Variants in PLK5 observed in about 807,000 individuals in gnomAD.
PLK5 encodes polo like kinase 5 (inactive).
Under a neutral mutation model 33.7 loss-of-function variants are expected in PLK5, and 28 were observed. The observed-to-expected ratio is 0.83, with a 90% CI of 0.62 to 1.14. The LOEUF is 1.14. Ranked by LOEUF, PLK5 falls within the 50% of genes most tolerant of loss-of-function variation. The pLI is 0.00. For synonymous variants in PLK5, 225 were observed against 202.2 expected (o/e 1.11, Z -0.96); for missense variants, 492 against 461.5 (o/e 1.07, Z -0.61).
At chr19:1,529,196 G>A (rs1002188857) in intron 9 of PLK5, 3 of 644,666 alleles carry the variant, frequency 4.7e-6, no homozygotes, top group South Asian at 2.0e-5. Context: ...GCCATGGGAA[G>A]GGTCCCATCC....
intron 11 of PLK5, among the ~76,000 whole-genome samples, chr19:1,531,120 C>T (rs1251463887): frequency 6.6e-6 from 1 of 150,580 alleles, no homozygotes; most frequent in Non-Finnish European, 1.5e-5. Flanking sequence ...AGCAAAAACC[C>T]AGAAACGGGG....
At chr19:1,527,043 CAGGTGTGGCGGGGGGGG>C in intron 6 of PLK5, 45 bp downstream of exon 6, 7 of 1,237,608 alleles carry the variant, frequency 5.7e-6, no homozygotes, top group Non-Finnish European at 7.2e-6. Context: ...CCGGGGGGGG[CAGGTGTGGCGGGGGGGG>C]AGCCTGCACG....
chr19:1,532,399 CGTG>C (rs1173668452), intron 12 of PLK5, among the ~76,000 whole-genome samples: 4 of 151,468 alleles, frequency 2.6e-5, no homozygotes, highest in African/African-American at 9.7e-5. Flanking sequence ...ATTAGCTGGG[CGTG>C]GTGGTGCACA....
chr19:1,528,841 C>A, intron 8 of PLK5, 57 bp from the exon 9 acceptor site: 1 of 1,334,778 alleles, frequency 7.5e-7, no homozygotes, highest in Non-Finnish European at 9.9e-7. Context: ...AGGTGCCCCC[C>A]TACCCCCAGC....
intron 3 of PLK5, among the ~76,000 whole-genome samples, chr19:1,526,139 A>C (rs1913732532): frequency 6.6e-6 from 1 of 152,092 alleles, no homozygotes; most frequent in African/African-American, 2.4e-5. Flanking sequence ...AGTAGACCTG[A>C]GCCCACCTGG....
Position 1,526,029 on chromosome 19 carries a change from C to T in PLK5, c.-313+318C>T, listed in dbSNP as rs114894678. On this transcript the variant is annotated intron_variant, in intron 3 of 13. Coordinates refer to ENST00000454744, the MANE Select transcript of PLK5 (RefSeq NM_001243079.2). ...GCCCCCTTGGACTCACCCATGCCCA[C>T]CTGTACCCACCAGCATGCCCCTGTG... Among the ~76,000 whole-genome samples the T allele has an allele frequency of 9.9e-3, 1,509 of 152,260 alleles. 22 individuals carry two copies. The highest frequency in any genetic ancestry group is 0.035 in the African/African-American group (1,451 of 41,534).
At chr19:1,532,823 C>T (rs892510898) in intron 12 of PLK5, among the ~76,000 whole-genome samples, 1 of 151,542 alleles carries the variant, frequency 6.6e-6, no homozygotes, top group African/African-American at 2.4e-5. Context: ...CGCTCAGCCA[C>T]TCCTGGCTAA....
chr19:1,533,085 T>C (rs539949055), intron 12 of PLK5, among the ~76,000 whole-genome samples: 23 of 152,158 alleles, frequency 1.5e-4, no homozygotes, highest in Non-Finnish European at 2.5e-4. Context: ...CAGTGAGCCA[T>C]GATTGCACCA....
chr19:1,529,704 G>C, intron 10 of PLK5, 43 bp from the exon 11 acceptor site: 1 of 1,529,946 alleles, frequency 6.5e-7, no homozygotes, highest in South Asian at 1.2e-5. Context: ...GCCTGGTGGT[G>C]GGAACCCAGA....
intron 3 of PLK5, among the ~76,000 whole-genome samples, chr19:1,526,188 C>G (rs894850346): frequency 6.6e-6 from 1 of 152,196 alleles, no homozygotes; most frequent in Admixed American, 6.5e-5. Context: ...TGCGTTCACT[C>G]CTAATCACCT....
chr19:1,531,391 G>A (rs986454397), intron 11 of PLK5, among the ~76,000 whole-genome samples: 1 of 150,602 alleles, frequency 6.6e-6, no homozygotes, highest in African/African-American at 2.4e-5. Flanking sequence ...CCTGGGGACA[G>A]AGCAAGACTC....
Position 1,526,611 on chromosome 19 carries a change from G to C in PLK5, c.-187G>C. On this transcript the variant is annotated 5_prime_UTR_variant, in exon 4 of 14. Transcript: ENST00000454744. ...GGTGCATCCTGCACCGCGACCTGAA[G>C]CTCAGTGAGTGCCAGGAAGGGGAAC... is the stretch of plus-strand genomic sequence containing the variant. 1 of 351,714 alleles carries C rather than the reference G, an allele frequency of 2.8e-6. No individual in the cohort carries two copies. The highest frequency in any genetic ancestry group is 2.3e-5 in the South Asian group (1 of 42,962). 21.8% of individuals were successfully genotyped at this position (351,714 alleles called of 1,614,324 possible). A position where few individuals can be genotyped will look rare whatever the true frequency, so the allele number is the denominator to read the frequency against.
intron 11 of PLK5, among the ~76,000 whole-genome samples, chr19:1,530,298 T>A (rs1343750911): frequency 6.6e-6 from 1 of 151,906 alleles, no homozygotes; most frequent in Non-Finnish European, 1.5e-5. Flanking sequence ...CTTTTCCTTT[T>A]CTTTCTTTTT....
Position 1,524,310 on chromosome 19 carries a change from G to A in PLK5, c.-544+64G>A, listed in dbSNP as rs1407674333. 6.6e-6 allele frequency: 1 copy of A among 151,468 alleles called. No individual in the cohort carries two copies. Among genetic ancestry groups the A allele is most frequent in the South Asian group, 2.1e-4 (1 of 4,830 alleles). 9.4% of individuals were successfully genotyped at this position (151,468 alleles called of 1,614,324 possible). On this transcript the variant is annotated intron_variant, in intron 1 of 13. Transcript: ENST00000454744. The surrounding 1 kb of genome is among the most constrained non-coding windows in gnomAD (Gnocchi z 4.5). ...CCGGGCTGGGCTGGGGTCCCGGGGC[G>A]CGCGGGCGATCCTGCGCGGTCTACG...
At chr19:1,529,670 T>TG (rs1348075777) in intron 10 of PLK5, 77 bp from the exon 11 acceptor site, 1 of 1,452,796 alleles carries the variant, frequency 6.9e-7, no homozygotes, top group African/African-American at 1.4e-5. Context: ...GATGGAGCCG[T>TG]GGGGAGGGGG....
chr19:1,527,085 C>G, intron 6 of PLK5, 87 bp downstream of exon 6: 4 of 1,361,204 alleles, frequency 2.9e-6, no homozygotes, highest in East Asian at 5.3e-5. Flanking sequence ...AGGTGGGGAC[C>G]GTTGTGCAGG....
intron 13 of PLK5, 84 bp from the exon 14 acceptor site, chr19:1,534,981 T>G: frequency 7.9e-7 from 1 of 1,263,434 alleles, no homozygotes; most frequent in Non-Finnish European, 1.1e-6. Flanking sequence ...GGGTCCAGTG[T>G]CCACTTGTCC....
rs189749018 is a variant in PLK5 at position 1,529,308 on chromosome 19, C to T, written c.406-98C>T. ...AAGCAGTGCCTCTGTGTGCAGAGCACGGAGGGCACAGGCAGGGGCCAGAGC... is the reference window on the plus strand; with the variant it reads ...AAGCAGTGCCTCTGTGTGCAGAGCATGGAGGGCACAGGCAGGGGCCAGAGC... On this transcript the variant is annotated intron_variant, in intron 9 of 13. Transcript: ENST00000454744. 1,507 of 1,093,666 alleles carry T rather than the reference C, an allele frequency of 1.4e-3. 5 individuals are homozygous for T. Among genetic ancestry groups the T allele is most frequent in the Non-Finnish European group, 1.7e-3 (1,253 of 755,322 alleles). The allele number at this position is 1,093,666 out of a possible 1,614,324, so 67.7% of individuals were successfully genotyped here.
intron 13 of PLK5, among the ~76,000 whole-genome samples, chr19:1,534,773 C>T (rs1289368471): frequency 2.0e-5 from 3 of 151,550 alleles, no homozygotes; most frequent in Non-Finnish European, 4.4e-5. Flanking sequence ...GCCGAGATCG[C>T]GCCACTGCAC....
Sources: gnomAD v4.1 joint callset for allele counts (sites outside exome capture counted in the v4.1 genomes callset) on GRCh38, gnomAD v4.1.1 for gene constraint, Gnocchi (gnomAD v3.1) non-coding constraint, MANE v1.5 for transcripts, NCBI Gene and HGNC (gene_info 2026-07-23, HGNC 2026-07-21) for gene names.